The following GABRG3 variants were observed in gnomAD, a reference collection of about 807,000 sequenced individuals.
GABRG3 encodes gamma-aminobutyric acid type A receptor subunit gamma3.
GABRG3 carries 25 observed loss-of-function variants against 48.8 expected under a neutral mutation model. The ratio of observed to expected loss-of-function variants is 0.51; its 90% CI spans 0.37 to 0.72. GABRG3 has a LOEUF of 0.72. GABRG3 is among the 30% of genes least tolerant of loss of function. GABRG3 has a pLI of 0.00. For synonymous variants in GABRG3, 227 were observed against 217.6 expected, an observed-to-expected ratio of 1.04 and a Z score of -0.38; for missense variants, 394 against 577.9, an observed-to-expected ratio of 0.68 and a Z score of 3.26.
chr15:27,100,209 C>A (rs1897332328), intron 3 of GABRG3, among the ~76,000 whole-genome samples: 1 of 106,746 alleles, frequency 9.4e-6, no homozygotes, highest in South Asian at 3.2e-4. Flanking sequence ...CAGAGCAAGA[C>A]CCTGTCTCAA....
intron 3 of GABRG3, among the ~76,000 whole-genome samples, chr15:27,249,342 T>C (rs1324120429): frequency 6.6e-6 from 1 of 152,090 alleles, no homozygotes; most frequent in Non-Finnish European, 1.5e-5. Flanking sequence ...AGCCCCCAGA[T>C]TTCCTCCGCA....
At chr15:27,137,561 C>T (rs980009453) in intron 3 of GABRG3, among the ~76,000 whole-genome samples, 3 of 152,090 alleles carry the variant, frequency 2.0e-5, no homozygotes, top group African/African-American at 7.2e-5. Flanking sequence ...TTAGGTCTTC[C>T]ACACACCCTG....
At chr15:27,239,415 T>C (rs1308792329) in intron 3 of GABRG3, among the ~76,000 whole-genome samples, 3 of 152,198 alleles carry the variant, frequency 2.0e-5, no homozygotes, top group African/African-American at 4.8e-5. Flanking sequence ...GAATATTCGC[T>C]AAATATTGAT....
chr15:27,342,567 G>A (rs1369583367), intron 5 of GABRG3, among the ~76,000 whole-genome samples: 2 of 152,236 alleles, frequency 1.3e-5, no homozygotes, highest in Non-Finnish European at 2.9e-5. Flanking sequence ...GAAAAGAAAC[G>A]TGGAAATGCA....
chr15:27,120,045 G>A (rs1897705268), intron 3 of GABRG3, among the ~76,000 whole-genome samples: 1 of 152,206 alleles, frequency 6.6e-6, no homozygotes, highest in African/African-American at 2.4e-5. Flanking sequence ...AGGAGGTGGG[G>A]ATCATGGAAG....
At chr15:27,374,138 C>CTTTTTTTT (rs201839822) in intron 5 of GABRG3, among the ~76,000 whole-genome samples, 869 of 91,200 alleles carry the variant, frequency 9.5e-3, no homozygotes, top group Non-Finnish European at 0.013. Flanking sequence ...TTCTTTTCTT[C>CTTTTTTTT]TTTTTTTTTT....
At chr15:27,178,823 A>G (rs923053026) in intron 3 of GABRG3, among the ~76,000 whole-genome samples, 1 of 152,158 alleles carries the variant, frequency 6.6e-6, no homozygotes, top group Admixed American at 6.5e-5. Context: ...CCCTCTCTAG[A>G]ATGGGGGTCT....
chr15:27,427,644 G>T (rs77871498), intron 5 of GABRG3, among the ~76,000 whole-genome samples: 1 of 152,102 alleles, frequency 6.6e-6, no homozygotes, highest in Non-Finnish European at 1.5e-5. Context: ...ACAAGATTTG[G>T]ATTCAAAGCC....
rs1891559380 is a variant in GABRG3, at chr15:27,536,942, T to C, written c.*4061T>C. On this transcript the variant is annotated 3_prime_UTR_variant, in exon 10 of 10. Transcript: ENST00000615808. ...CTGCCAAAATGGAAATTTTCTGTGATTTCCTTTGAGACTTGAAGAATTACA... is the reference window on the plus strand; with the variant it reads ...CTGCCAAAATGGAAATTTTCTGTGACTTCCTTTGAGACTTGAAGAATTACA... 1 of 152,168 alleles carries C rather than the reference T, an allele frequency of 6.6e-6. No individual in the cohort carries two copies. The highest frequency in any genetic ancestry group is 2.1e-4 in the South Asian group (1 of 4,820). The allele number at this position is 152,168 out of a possible 1,614,324, so 9.4% of individuals were successfully genotyped here.
intron 3 of GABRG3, among the ~76,000 whole-genome samples, chr15:27,288,330 A>G (rs1201763852): frequency 6.6e-6 from 1 of 152,112 alleles, no homozygotes; most frequent in Non-Finnish European, 1.5e-5. Context: ...GTTATATTGT[A>G]ATATATAATG....
At chr15:27,150,534 A>T (rs1223021857) in intron 3 of GABRG3, among the ~76,000 whole-genome samples, 6 of 152,204 alleles carry the variant, frequency 3.9e-5, no homozygotes, top group Admixed American at 3.9e-4. Context: ...AATTTTGGAA[A>T]TGCTATTAAA....
intron 3 of GABRG3, among the ~76,000 whole-genome samples, chr15:27,253,453 TC>T (rs1890522766): frequency 6.6e-6 from 1 of 152,186 alleles, no homozygotes; most frequent in Non-Finnish European, 1.5e-5. Flanking sequence ...CCCATTTGTC[TC>T]CTTATGGCTT....
chr15:27,006,610 A>G (rs1895589973), intron 2 of GABRG3, among the ~76,000 whole-genome samples: 1 of 152,212 alleles, frequency 6.6e-6, no homozygotes, highest in Admixed American at 6.5e-5. Context: ...CACCCAGGTA[A>G]TAAGCATAGT....
chr15:27,326,072 T>TA (rs1190106524), intron 3 of GABRG3, among the ~76,000 whole-genome samples: 1 of 152,110 alleles, frequency 6.6e-6, no homozygotes, highest in African/African-American at 2.4e-5. Flanking sequence ...AGAGTGCCCC[T>TA]AGGATAGAAT....
intron 3 of GABRG3, among the ~76,000 whole-genome samples, chr15:27,039,467 C>CT (rs1339957031): frequency 6.6e-6 from 1 of 152,150 alleles, no homozygotes; most frequent in East Asian, 1.9e-4. Flanking sequence ...ACGGAGTGGC[C>CT]TTAGGTCCCT....
In GABRG3 at chr15:27,467,114, A is replaced by G. The variant is rs564612009; in HGVS notation, c.575-13536A>G. ...ACAGTTCTGGAGGTGGGGAAGTACC[A>G]TGATCTGAGTGTCAGCAGACCCGGT... On this transcript the variant is annotated intron_variant, in intron 5 of 9. Transcript: ENST00000615808. Among the ~76,000 whole-genome samples the G allele has an allele frequency of 3.3e-5, 5 of 152,294 alleles. No individual in the cohort carries two copies. The East Asian group carries it at 9.7e-4, about 29-fold the overall frequency.
intron 5 of GABRG3, among the ~76,000 whole-genome samples, chr15:27,459,492 C>A (rs1889385745): frequency 6.6e-6 from 1 of 152,186 alleles, no homozygotes; most frequent in Non-Finnish European, 1.5e-5. Flanking sequence ...TAACAGTCTG[C>A]TAAGAGGCAG....
chr15:27,432,105 C>T (rs150573234), intron 5 of GABRG3, among the ~76,000 whole-genome samples: 222 of 152,120 alleles, frequency 1.5e-3, no homozygotes, highest in Middle Eastern at 0.01. Context: ...TTGAGAATGA[C>T]GTGTATTGTG....
intron 6 of GABRG3, among the ~76,000 whole-genome samples, chr15:27,491,450 C>G (rs1890353223): frequency 6.6e-6 from 1 of 152,184 alleles, no homozygotes; most frequent in Admixed American, 6.5e-5. Context: ...TTCTTCCTGT[C>G]CGTAGGGGGT....
Sources: allele counts gnomAD v4.1 joint callset (sites outside exome capture counted in the v4.1 genomes callset), GRCh38; gene constraint gnomAD v4.1.1; transcripts MANE v1.5; gene names NCBI Gene and HGNC (gene_info 2026-07-23, HGNC 2026-07-21).